The following MCC variants were observed in gnomAD, a reference collection of about 807,000 sequenced individuals.
The protein encoded by MCC is colorectal mutant cancer protein.
A neutral mutation model predicts 116.2 loss-of-function variants in MCC; 90 were observed. The observed-to-expected ratio is 0.77, with a 90% CI of 0.65 to 0.92. The LOEUF (loss-of-function observed/expected upper bound fraction) is 0.92, where lower values mean the gene tolerates loss of function less well. Ranked by LOEUF, MCC falls within the 40% of genes least tolerant of loss-of-function variation. The pLI is 0.00. For missense variants in MCC, 1,516 were observed against 1,312.2 expected (o/e 1.16, Z -2.40); for synonymous variants, 578 against 510.5 (o/e 1.13, Z -1.78).
At chr5:113,306,870 A>G (rs1002369578) in intron 3 of MCC, among the ~76,000 whole-genome samples, 2 of 152,134 alleles carry the variant, frequency 1.3e-5, no homozygotes, top group Admixed American at 6.5e-5. Context: ...GTTGAGGTCA[A>G]TGATCCATTT....
intron 2 of MCC, among the ~76,000 whole-genome samples, chr5:113,381,761 C>G (rs1769128856): frequency 6.6e-6 from 1 of 152,118 alleles, no homozygotes; most frequent in South Asian, 2.1e-4. Context: ...GCACTCCAGC[C>G]TGGGTGACAG....
At chr5:113,032,350 G>A (rs1404869815) in intron 17 of MCC, among the ~76,000 whole-genome samples, 1 of 148,244 alleles carries the variant, frequency 6.7e-6, no homozygotes, top group African/African-American at 2.5e-5. Flanking sequence ...GGAGGTTGCA[G>A]TAAGCCGAGA....
At chr5:113,127,639 A>G (rs1224086087) in intron 5 of MCC, among the ~76,000 whole-genome samples, 1 of 152,140 alleles carries the variant, frequency 6.6e-6, no homozygotes, top group Non-Finnish European at 1.5e-5. Flanking sequence ...TGTTGGCTGC[A>G]TGTATATCTT....
chr5:113,152,241 A>G (rs1759924649), intron 3 of MCC, among the ~76,000 whole-genome samples: 3 of 152,240 alleles, frequency 2.0e-5, no homozygotes, highest in Non-Finnish European at 4.4e-5. Flanking sequence ...TCCAAGTTCT[A>G]AAGACTGGAC....
intron 8 of MCC, among the ~76,000 whole-genome samples, chr5:113,101,220 A>G (rs1756387295): frequency 6.6e-6 from 1 of 152,120 alleles, no homozygotes; most frequent in Non-Finnish European, 1.5e-5. Flanking sequence ...GCACATACAC[A>G]CATACATATA....
At chr5:113,127,081 A>G (rs1758097976) in intron 5 of MCC, among the ~76,000 whole-genome samples, 1 of 152,104 alleles carries the variant, frequency 6.6e-6, no homozygotes, top group Non-Finnish European at 1.5e-5. Context: ...TCCATTTGTT[A>G]TCATTTAGCT....
At chr5:113,204,681 C>G (rs1762834195) in intron 3 of MCC, 1 of 152,162 alleles carries the variant, frequency 6.6e-6, no homozygotes, top group Admixed American at 6.6e-5. Context: ...GGCAGGAAAC[C>G]AGGAGAAATT....
intron 12 of MCC, among the ~76,000 whole-genome samples, chr5:113,068,814 C>A (rs570344270): frequency 1.3e-5 from 2 of 152,352 alleles, no homozygotes; most frequent in South Asian, 4.1e-4. Context: ...TCCAATCCCC[C>A]ACTGAGGTCT....
Position 113,151,324 on chromosome 5 carries a change from T to C in MCC, c.726A>G (p.Lys242=), listed in dbSNP as rs759572001. 6.8e-6 allele frequency: 11 copies of C among 1,612,990 alleles called. No individual in the cohort carries two copies. The Admixed American group carries it at 1.0e-4, about 15-fold the overall frequency. ...TERERDLLEK[K]LAKAQCEQSH... ...GATCCCTTACCTGTGCCTTGGCCAA[T>C]TTCTTTTCCAGAAGGTCCCGTTCCC... Residue 242 remains lysine (K), a synonymous_variant, in exon 4 of 19, where the codon AAA becomes AAG. Coordinates refer to ENST00000408903, the MANE Select transcript of MCC (RefSeq NM_001085377.2).
rs140306137 is a variant in MCC at position 113,122,545 on chromosome 5, C to G, written c.1027+139G>C. On this transcript the variant is annotated intron_variant, in intron 6 of 18. Coordinates refer to ENST00000408903, the MANE Select transcript of MCC (RefSeq NM_001085377.2). The stretch of plus-strand genomic sequence containing the variant: ...GACCAACAAAGTAATGTGTAAGGGA[C>G]TGAAATACATGTGACTTCATCCACT... 7.7e-3 allele frequency: 6,882 copies of G among 894,440 alleles called. 53 individuals carry two copies. Among genetic ancestry groups the G allele is most frequent in the Middle Eastern group, 0.019 (55 of 2,850 alleles). The allele number at this position is 894,440 out of a possible 1,614,324, so 55.4% of individuals were successfully genotyped here.
chr5:113,221,011 T>C (rs1168499598), intron 3 of MCC, among the ~76,000 whole-genome samples: 1 of 152,202 alleles, frequency 6.6e-6, no homozygotes, highest in Non-Finnish European at 1.5e-5. Flanking sequence ...AAGACCAGCC[T>C]GGGCAGCATG....
chr5:113,096,964 G>A (rs1312230274), intron 8 of MCC, among the ~76,000 whole-genome samples: 1 of 152,154 alleles, frequency 6.6e-6, no homozygotes, highest in Admixed American at 6.5e-5. Context: ...ATGACAGCTG[G>A]GGAGAGCTGA....
chr5:113,234,743 A>G (rs1764068813), intron 3 of MCC: 2 of 152,250 alleles, frequency 1.3e-5, no homozygotes, highest in African/African-American at 2.4e-5. Context: ...TGCTCCACCC[A>G]GCCTTGTGCA....
intron 11 of MCC, among the ~76,000 whole-genome samples, chr5:113,079,828 G>A (rs1338478465): frequency 1.3e-5 from 2 of 152,214 alleles, no homozygotes; most frequent in Admixed American, 6.5e-5. Flanking sequence ...AAACTAAAGA[G>A]CTTCTGCACA....
At chr5:113,365,287 C>A (rs1768658411) in intron 2 of MCC, among the ~76,000 whole-genome samples, 1 of 152,184 alleles carries the variant, frequency 6.6e-6, no homozygotes, top group Admixed American at 6.5e-5. Flanking sequence ...TAAATCATCA[C>A]TCTCAAGTTC....
At chr5:113,232,326 T>C (rs1216705053) in intron 3 of MCC, among the ~76,000 whole-genome samples, 1 of 152,178 alleles carries the variant, frequency 6.6e-6, no homozygotes, top group African/African-American at 2.4e-5. Flanking sequence ...TGGGTCTCAG[T>C]GGATTTCAGT....
chr5:113,103,409 A>C (rs1756548675), intron 7 of MCC, among the ~76,000 whole-genome samples: 1 of 152,180 alleles, frequency 6.6e-6, no homozygotes, highest in Non-Finnish European at 1.5e-5. Context: ...ATTACAATCA[A>C]ATATAGGGCC....
At chr5:113,199,699 G>A (rs1229933049) in intron 3 of MCC, among the ~76,000 whole-genome samples, 2 of 152,154 alleles carry the variant, frequency 1.3e-5, no homozygotes, top group Non-Finnish European at 2.9e-5. Flanking sequence ...GCATCACCAC[G>A]TGAATGAGAT....
intron 1 of MCC, among the ~76,000 whole-genome samples, chr5:113,393,164 G>T (rs1769443895): frequency 6.6e-6 from 1 of 152,094 alleles, no homozygotes; most frequent in Non-Finnish European, 1.5e-5. Flanking sequence ...TTAGGGAAAG[G>T]CACAAAGGGG....
Sources: allele counts gnomAD v4.1 joint callset (sites outside exome capture counted in the v4.1 genomes callset), GRCh38; gene constraint gnomAD v4.1.1; transcripts MANE v1.5; gene names NCBI Gene and HGNC (gene_info 2026-07-23, HGNC 2026-07-21).